Variants in COL27A1 observed in about 807,000 individuals in gnomAD.
The protein encoded by COL27A1 is collagen type XXVII alpha 1 chain.
COL27A1 carries 106 observed loss-of-function variants against 251.3 expected under a neutral mutation model. The ratio of observed to expected loss-of-function variants is 0.42; its 90% CI spans 0.36 to 0.50. The LOEUF is 0.50. Ranked by LOEUF, COL27A1 falls within the 20% of genes least tolerant of loss-of-function variation. The pLI, the probability that COL27A1 is intolerant of heterozygous loss-of-function variation, is 0.00. For missense variants in COL27A1, 2,325 were observed against 2,522.8 expected (o/e 0.92, Z 1.68); for synonymous variants, 1,000 against 986.3 (o/e 1.01, Z -0.26).
At chr9:114,162,672 G>C in intron 1 of COL27A1, 43 bp from the exon 2 acceptor site, 1 of 1,445,532 alleles carries the variant, frequency 6.9e-7, no homozygotes, top group Non-Finnish European at 9.7e-7. Flanking sequence ...GGTGTGAGGG[G>C]TGGAAGCTGA....
At position 114,168,686 on chromosome 9, in the gene COL27A1, T is replaced by C; in HGVS notation, c.1131T>C (p.Thr377=). Residue 377 remains threonine, a synonymous_variant, in exon 3 of 61, where the codon ACT becomes ACC. Coordinates refer to ENST00000356083, the MANE Select transcript of COL27A1 (RefSeq NM_032888.4). ...SLPTKPSAPS[T]SIVPIKSPHP... ...CTACCAAGCCTTCGGCCCCTTCTAC[T>C]TCAATTGTGCCCATCAAAAGCCCCC... 6.2e-7 allele frequency: 1 copy of C among 1,614,028 alleles called. No homozygotes were observed. Among genetic ancestry groups the C allele is most frequent in the Non-Finnish European group, 8.5e-7 (1 of 1,180,008 alleles).
At chr9:114,230,722 C>CG (rs1564497842) in intron 14 of COL27A1, among the ~76,000 whole-genome samples, 1 of 152,070 alleles carries the variant, frequency 6.6e-6, no homozygotes, top group Admixed American at 6.5e-5. Context: ...ACAGCAGCTC[C>CG]GGGGGGACAG....
At chr9:114,306,139 TG>T (rs1829024727) in intron 57 of COL27A1, 1 of 177,796 alleles carries the variant, frequency 5.6e-6, no homozygotes. Context: ...CAGTGGGGGC[TG>T]TGTGACCCCC....
rs1832489750 is a variant in COL27A1, at chr9:114,237,652, T to C, written c.2674-10T>C. 6.2e-7 allele frequency: 1 copy of C among 1,614,046 alleles called. No individual in the cohort carries two copies. Among genetic ancestry groups the C allele is most frequent in the Non-Finnish European group, 8.5e-7 (1 of 1,179,884 alleles). ...ACCCCTGCCTCCCTGCAACCTCTTC[T>C]CTTCCACAGGGCAAAGTCGGAGACA... On this transcript the variant is annotated splice_polypyrimidine_tract_variant and intron_variant, in intron 18 of 60. Transcript: ENST00000356083.
At chr9:114,155,024 AG>A (rs1157775052), upstream of COL27A1, among the ~76,000 whole-genome samples, 2 of 151,884 alleles carry the variant, frequency 1.3e-5, no homozygotes, top group Non-Finnish European at 2.9e-5. This position sits in a 1 kb window ranked among gnomAD's most constrained non-coding sequence, Gnocchi z 5.5. Context: ...TGCTGACAGA[AG>A]GGAGAGAGAG....
intron 48 of COL27A1, among the ~76,000 whole-genome samples, chr9:114,291,890 C>T (rs187669203): frequency 2.6e-3 from 398 of 152,122 alleles, no homozygotes; most frequent in South Asian, 7.5e-3. Context: ...AGGCAGGGCC[C>T]GGAATGCGAG....
chr9:114,305,070 AAGAACCTGCC>A (rs2131680050), intron 57 of COL27A1, among the ~76,000 whole-genome samples: 1 of 152,308 alleles, frequency 6.6e-6, no homozygotes, highest in East Asian at 1.9e-4. Context: ...GGGCTCTGCT[AAGAACCTGCC>A]CTGTGGTTAA....
At chr9:114,245,186 G>T (rs1367113214) in intron 23 of COL27A1, among the ~76,000 whole-genome samples, 1 of 121,606 alleles carries the variant, frequency 8.2e-6, no homozygotes, top group East Asian at 2.3e-4. Context: ...TGACAGTCTC[G>T]CTCTTGTCAC....
At chr9:114,192,260 C>T (rs1239416693) in intron 5 of COL27A1, among the ~76,000 whole-genome samples, 1 of 152,234 alleles carries the variant, frequency 6.6e-6, no homozygotes, top group African/African-American at 2.4e-5. Context: ...CCCAGCTCCT[C>T]TATCAGCTGC....
chr9:114,182,217 T>A (rs1253049890), intron 4 of COL27A1, among the ~76,000 whole-genome samples: 4 of 143,952 alleles, frequency 2.8e-5, no homozygotes, highest in Admixed American at 6.9e-5. Context: ...AAAATAAAAA[T>A]AATAATAAAA....
chr9:114,293,446 A>AT (rs1828050359), intron 49 of COL27A1, among the ~76,000 whole-genome samples: 2 of 152,094 alleles, frequency 1.3e-5, no homozygotes, highest in Admixed American at 1.3e-4. Flanking sequence ...TCTCAAATAA[A>AT]TGGTCTCGGA....
At chr9:114,295,556 A>G (rs1828205209) in intron 49 of COL27A1, among the ~76,000 whole-genome samples, 1 of 152,262 alleles carries the variant, frequency 6.6e-6, no homozygotes, top group Non-Finnish European at 1.5e-5. Context: ...ATCTGCAGTC[A>G]TCACGAAACT....
intron 41 of COL27A1, among the ~76,000 whole-genome samples, chr9:114,286,430 C>T (rs1030267316): frequency 2.0e-5 from 3 of 152,064 alleles, no homozygotes; most frequent in Non-Finnish European, 2.9e-5. Context: ...CCCATCTGTC[C>T]GATGCCAGAC....
intron 3 of COL27A1, among the ~76,000 whole-genome samples, chr9:114,178,026 T>C (rs1033164426): frequency 2.6e-5 from 4 of 152,170 alleles, no homozygotes; most frequent in Admixed American, 6.5e-5. Flanking sequence ...TTTGTCCAAC[T>C]TGGGGAAGGT....
chr9:114,180,564 A>G (rs1416841962), intron 4 of COL27A1, among the ~76,000 whole-genome samples: 1 of 152,200 alleles, frequency 6.6e-6, no homozygotes, highest in African/African-American at 2.4e-5. Flanking sequence ...TCCAAAGATA[A>G]TAGAATGCTG....
At chr9:114,256,887 C>T (rs4979361) in intron 27 of COL27A1, among the ~76,000 whole-genome samples, 10,801 of 152,274 alleles carry the variant, frequency 0.071, 691 homozygotes, top group East Asian at 0.36. Flanking sequence ...AATTTCCCAG[C>T]GGTGCATTGC....
At chr9:114,241,807 C>G (rs1247494220) in intron 21 of COL27A1, among the ~76,000 whole-genome samples, 1 of 152,208 alleles carries the variant, frequency 6.6e-6, no homozygotes, top group Non-Finnish European at 1.5e-5. Context: ...ATGATCTTCT[C>G]CAATCTGGGA....
intron 24 of COL27A1, among the ~76,000 whole-genome samples, chr9:114,246,933 C>G (rs1833181745): frequency 6.6e-6 from 1 of 151,282 alleles, no homozygotes; most frequent in Admixed American, 6.6e-5. Context: ...ATGGTAGGGC[C>G]CTCGGGAAAT....
chr9:114,283,657 C>A, intron 39 of COL27A1, 52 bp from the exon 40 acceptor site: 1 of 1,558,050 alleles, frequency 6.4e-7, no homozygotes, highest in Non-Finnish European at 8.8e-7. Flanking sequence ...ACTGCTGTGT[C>A]CCCGCTGTGA....
Sources: allele counts gnomAD v4.1 joint callset (sites outside exome capture counted in the v4.1 genomes callset), GRCh38; gene constraint gnomAD v4.1.1; non-coding constraint Gnocchi (gnomAD v3.1); transcripts MANE v1.5; gene names NCBI Gene and HGNC (gene_info 2026-07-23, HGNC 2026-07-21).